Variants in GPC6 observed in about 807,000 individuals in gnomAD.
GPC6 encodes the protein glypican-6.
Under a neutral mutation model 55.2 loss-of-function variants are expected in GPC6, and 14 were observed. The ratio of observed to expected loss-of-function variants is 0.25; its 90% CI spans 0.17 to 0.40. GPC6 has a LOEUF of 0.40. Ranked by LOEUF, GPC6 falls within the 10% of genes least tolerant of loss-of-function variation. The pLI is 1.00. For missense variants in GPC6, 641 were observed against 708.5 expected, an observed-to-expected ratio of 0.90 and a Z score of 1.08; for synonymous variants, 278 against 259.6, an observed-to-expected ratio of 1.07 and a Z score of -0.68.
At chr13:93,329,878 T>C (rs1879784440) in intron 1 of GPC6, among the ~76,000 whole-genome samples, 1 of 152,022 alleles carries the variant, frequency 6.6e-6, no homozygotes, top group Non-Finnish European at 1.5e-5. Flanking sequence ...ATTAATAACA[T>C]TTAAATCTGT....
chr13:94,008,893 A>T (rs932752360), intron 3 of GPC6, among the ~76,000 whole-genome samples: 2 of 152,144 alleles, frequency 1.3e-5, no homozygotes, highest in African/African-American at 2.4e-5. Context: ...ACAAAAATTT[A>T]TGCTAATATA....
chr13:93,582,756 C>T (rs1876996122), intron 2 of GPC6, among the ~76,000 whole-genome samples: 1 of 152,120 alleles, frequency 6.6e-6, no homozygotes, highest in Non-Finnish European at 1.5e-5. Flanking sequence ...TTGTGTTTAC[C>T]TTAGTACAGA....
At chr13:93,744,677 C>A (rs1262669236) in intron 2 of GPC6, among the ~76,000 whole-genome samples, 1 of 151,674 alleles carries the variant, frequency 6.6e-6, no homozygotes, top group East Asian at 1.9e-4. Context: ...TGGTGGCTCA[C>A]ACCTGTAATC....
intron 6 of GPC6, among the ~76,000 whole-genome samples, chr13:94,326,215 A>G (rs1194200809): frequency 6.6e-6 from 1 of 151,492 alleles, no homozygotes; most frequent in Non-Finnish European, 1.5e-5. Flanking sequence ...GCACACACAC[A>G]CACACACACA....
At chr13:93,592,059 TATTAACTGC>T (rs1315374040) in intron 2 of GPC6, among the ~76,000 whole-genome samples, 5 of 152,180 alleles carry the variant, frequency 3.3e-5, no homozygotes, top group Non-Finnish European at 5.9e-5. Context: ...CTGATGAATG[TATTAACTGC>T]ATTCAGTTAA....
At chr13:94,395,972 TGGAGGTCAAGAGGCGG>T (rs1370232676) in intron 7 of GPC6, among the ~76,000 whole-genome samples, 1 of 152,244 alleles carries the variant, frequency 6.6e-6, no homozygotes, top group African/African-American at 2.4e-5. Context: ...AGGCAGCAGC[TGGAGGTCAAGAGGCGG>T]GACTAAAGGG....
intron 7 of GPC6, among the ~76,000 whole-genome samples, chr13:94,383,469 G>A (rs757732911): frequency 1.3e-5 from 2 of 152,156 alleles, no homozygotes; most frequent in Admixed American, 6.5e-5. Flanking sequence ...GGTGGCTCAC[G>A]CCTGTAATCC....
intron 4 of GPC6, among the ~76,000 whole-genome samples, chr13:94,110,306 A>G (rs937089571): frequency 1.2e-4 from 18 of 152,124 alleles, no homozygotes; most frequent in Non-Finnish European, 2.4e-4. Flanking sequence ...CATGACTTCC[A>G]GGAGAGGCAT....
chr13:94,393,593 G>GTA (rs998315160), intron 7 of GPC6, among the ~76,000 whole-genome samples: 3 of 152,170 alleles, frequency 2.0e-5, no homozygotes, highest in African/African-American at 7.2e-5. Context: ...CCTTGAGGCA[G>GTA]TAGCAGTCAG....
intron 3 of GPC6, among the ~76,000 whole-genome samples, chr13:93,972,868 C>A (rs1804493359): frequency 6.6e-6 from 1 of 152,018 alleles, no homozygotes; most frequent in Non-Finnish European, 1.5e-5. Flanking sequence ...TGGAAAATTT[C>A]TGTAGACCAT....
intron 2 of GPC6, among the ~76,000 whole-genome samples, chr13:93,722,365 T>G (rs1883484024): frequency 6.6e-6 from 1 of 151,794 alleles, no homozygotes. Flanking sequence ...CAAACAAGAG[T>G]AATATGACAA....
chr13:94,212,737 A>G (rs983169346), intron 4 of GPC6, among the ~76,000 whole-genome samples: 3 of 152,214 alleles, frequency 2.0e-5, no homozygotes, highest in African/African-American at 7.2e-5. Context: ...TTGAGGAAAC[A>G]TGTGCTGATT....
At chr13:93,475,948 G>T (rs537049661) in intron 1 of GPC6, among the ~76,000 whole-genome samples, 1 of 151,986 alleles carries the variant, frequency 6.6e-6, no homozygotes, top group South Asian at 2.1e-4. Context: ...TTACGCTTTT[G>T]AGAATGACTG....
At chr13:93,563,219 A>G (rs75969772) in intron 2 of GPC6, among the ~76,000 whole-genome samples, 133 of 152,270 alleles carry the variant, frequency 8.7e-4, no homozygotes, top group African/African-American at 3.2e-3. Flanking sequence ...AAAAAAATGA[A>G]AATCTTAAGC....
At chr13:93,689,195 C>T (rs190037054) in intron 2 of GPC6, among the ~76,000 whole-genome samples, 18 of 151,882 alleles carry the variant, frequency 1.2e-4, no homozygotes, top group African/African-American at 4.3e-4. Context: ...AATGGCGATC[C>T]CAGAAGGCAA....
chr13:94,191,019 A>T (rs1889375845), intron 4 of GPC6, among the ~76,000 whole-genome samples: 1 of 152,182 alleles, frequency 6.6e-6, no homozygotes, highest in South Asian at 2.1e-4. Flanking sequence ...ACAATAGGTG[A>T]TTTTGGATAA....
At chr13:93,823,702 T>A (rs1887133557) in intron 2 of GPC6, among the ~76,000 whole-genome samples, 1 of 152,184 alleles carries the variant, frequency 6.6e-6, no homozygotes, top group Non-Finnish European at 1.5e-5. Flanking sequence ...CTGGCATTTT[T>A]AATTAGTTTG....
At chr13:93,518,365 C>T (rs950581081) in intron 1 of GPC6, among the ~76,000 whole-genome samples, 2 of 151,528 alleles carry the variant, frequency 1.3e-5, no homozygotes, top group African/African-American at 4.9e-5. Context: ...TAATCTAGTT[C>T]CGTCAACTCT....
At chr13:93,394,861 C>T (rs1359890012) in intron 1 of GPC6, 2 of 152,538 alleles carry the variant, frequency 1.3e-5, no homozygotes, top group Non-Finnish European at 2.9e-5. Context: ...CAGACTAATA[C>T]ATTTAAAAAT....
Sources: allele counts gnomAD v4.1 joint callset (sites outside exome capture counted in the v4.1 genomes callset), GRCh38; gene constraint gnomAD v4.1.1; transcripts MANE v1.5; gene names NCBI Gene and HGNC (gene_info 2026-07-23, HGNC 2026-07-21).